Variants in CDH18 observed in about 807,000 individuals in gnomAD.
CDH18 encodes cadherin-18.
In CDH18, 31 loss-of-function variants were observed where a neutral mutation model predicts 67.9. That is an observed-to-expected ratio of 0.46 (90% CI 0.34 to 0.62). The LOEUF (loss-of-function observed/expected upper bound fraction) is 0.62. Among genes scored for constraint, CDH18 ranks in the 20% least tolerant of loss-of-function variants. The pLI is 0.01. For synonymous variants in CDH18, 362 were observed against 347.2 expected (o/e 1.04, Z -0.48); for missense variants, 890 against 975.5 (o/e 0.91, Z 1.17).
intron 1 of CDH18, among the ~76,000 whole-genome samples, chr5:20,472,239 A>T (rs1010591165): frequency 2.0e-5 from 3 of 152,194 alleles, no homozygotes; most frequent in African/African-American, 7.2e-5. Context: ...TGGGTTTATG[A>T]AGTTTTCTAA....
intron 2 of CDH18, among the ~76,000 whole-genome samples, chr5:20,086,964 T>C (rs1268205163): frequency 2.0e-5 from 3 of 152,214 alleles, no homozygotes; most frequent in Non-Finnish European, 2.9e-5. Context: ...CTGCCATAAA[T>C]ACTGATTTGT....
intron 2 of CDH18, among the ~76,000 whole-genome samples, chr5:20,153,599 T>C (rs1751288570): frequency 6.6e-6 from 1 of 152,084 alleles, no homozygotes; most frequent in Admixed American, 6.6e-5. Context: ...AAATATAAAT[T>C]TATTTTCTCA....
chr5:19,783,906 C>A (rs1775405338), intron 3 of CDH18, among the ~76,000 whole-genome samples: 1 of 152,114 alleles, frequency 6.6e-6, no homozygotes, highest in South Asian at 2.1e-4. Context: ...TTAAAATGCC[C>A]TGTATTATTT....
At chr5:19,806,942 C>A (rs986342386) in intron 3 of CDH18, among the ~76,000 whole-genome samples, 1 of 152,168 alleles carries the variant, frequency 6.6e-6, no homozygotes, top group Admixed American at 6.5e-5. Flanking sequence ...ATGGTACAGC[C>A]TACTACACAC....
intron 1 of CDH18, among the ~76,000 whole-genome samples, chr5:20,265,972 G>C (rs1452648242): frequency 6.6e-6 from 1 of 152,192 alleles, no homozygotes; most frequent in Non-Finnish European, 1.5e-5. Context: ...CCAAAAAAGG[G>C]AAGCAGGGCA....
intron 9 of CDH18, among the ~76,000 whole-genome samples, chr5:19,524,797 G>C (rs1006463958): frequency 5.3e-5 from 8 of 152,096 alleles, no homozygotes. Flanking sequence ...CCAGGCTGGA[G>C]TGCAGTGGCG....
chr5:19,875,423 G>C (rs141177963), intron 2 of CDH18, among the ~76,000 whole-genome samples: 47,722 of 149,738 alleles, frequency 0.32, 8,286 homozygotes, highest in South Asian at 0.4. Context: ...TAGATAGATA[G>C]ATAGATAGAT....
At chr5:20,188,872 C>T (rs1738314768) in intron 2 of CDH18, among the ~76,000 whole-genome samples, 1 of 146,544 alleles carries the variant, frequency 6.8e-6, no homozygotes, top group African/African-American at 2.5e-5. Flanking sequence ...AATCCACTCT[C>T]TCCAAAGGAT....
intron 2 of CDH18, among the ~76,000 whole-genome samples, chr5:20,046,756 T>C (rs1740930539): frequency 6.6e-6 from 1 of 151,340 alleles, no homozygotes; most frequent in South Asian, 2.1e-4. Context: ...AATAAAGTAA[T>C]AATGAAGGAC....
At position 20,322,227 on chromosome 5, in the gene CDH18, C is replaced by A. The variant is rs890210362; in HGVS notation, c.-579-66722G>T. On this transcript the variant is annotated intron_variant, in intron 1 of 14. Coordinates refer to the CDH18 transcript ENST00000507958. ...ATCACTGAATGGAAACCACTGATTT[C>A]AGTTGAGTCAATAAGAGCAGACTAA... 3.9e-5 allele frequency among the ~76,000 whole-genome samples: 6 copies of A among 152,024 alleles called. No homozygotes were observed. The East Asian group carries it at 1.2e-3, about 29-fold the overall frequency.
intron 1 of CDH18, among the ~76,000 whole-genome samples, chr5:20,416,943 G>A (rs1174425426): frequency 3.3e-5 from 5 of 152,068 alleles, no homozygotes; most frequent in Non-Finnish European, 7.4e-5. Flanking sequence ...GCCCATTATA[G>A]TATATAGTAA....
intron 9 of CDH18, among the ~76,000 whole-genome samples, chr5:19,532,756 T>G (rs1242958486): frequency 1.2e-4 from 19 of 152,164 alleles, no homozygotes; most frequent in Admixed American, 1.2e-3. Flanking sequence ...AGATAAATGA[T>G]AGGAAATAGT....
intron 1 of CDH18, among the ~76,000 whole-genome samples, chr5:20,513,679 C>T (rs144903002): frequency 3.9e-5 from 6 of 152,082 alleles, no homozygotes; most frequent in South Asian, 4.1e-4. Flanking sequence ...TTTCTTATAA[C>T]TTTTTGGGCC....
At chr5:20,047,245 T>G (rs1305129934) in intron 2 of CDH18, among the ~76,000 whole-genome samples, 2 of 151,872 alleles carry the variant, frequency 1.3e-5, no homozygotes, top group African/African-American at 4.8e-5. Context: ...TATGAATGCA[T>G]GCAAGCTGGT....
intron 1 of CDH18, among the ~76,000 whole-genome samples, chr5:20,560,068 A>C (rs1338247815): frequency 1.3e-5 from 2 of 152,156 alleles, no homozygotes; most frequent in Non-Finnish European, 2.9e-5. Context: ...TGAACCAAGC[A>C]ACAAACAGCT....
intron 2 of CDH18, among the ~76,000 whole-genome samples, chr5:20,242,638 A>ATATATATATG (rs1743068315): frequency 9.1e-6 from 1 of 109,526 alleles, no homozygotes; most frequent in Admixed American, 8.8e-5. Flanking sequence ...ATATATGTAT[A>ATATATATATG]TATATATATA....
At chr5:19,957,484 C>T (rs941030299) in intron 2 of CDH18, among the ~76,000 whole-genome samples, 1 of 151,526 alleles carries the variant, frequency 6.6e-6, no homozygotes, top group East Asian at 1.9e-4. Flanking sequence ...ATCTACATAG[C>T]CTTTGAATAA....
At chr5:19,688,605 A>T (rs4467708) in intron 5 of CDH18, among the ~76,000 whole-genome samples, 137,524 of 152,082 alleles carry the variant, frequency 0.9, 62,793 homozygotes, top group Non-Finnish European at 0.96. Context: ...TGCACAAATA[A>T]CAATATAAGA....
At chr5:19,819,465 G>A (rs559952693) in intron 3 of CDH18, among the ~76,000 whole-genome samples, 6 of 152,234 alleles carry the variant, frequency 3.9e-5, no homozygotes, top group African/African-American at 9.6e-5. Context: ...TGAAGACACC[G>A]AGGGTGAATA....
Sources: allele counts gnomAD v4.1 joint callset (sites outside exome capture counted in the v4.1 genomes callset), GRCh38; gene constraint gnomAD v4.1.1; transcripts MANE v1.5; gene names NCBI Gene and HGNC (gene_info 2026-07-23, HGNC 2026-07-21).